TIAM1: variants seen among roughly 807,000 people sequenced by gnomAD.
TIAM1 encodes rho guanine nucleotide exchange factor TIAM1.
A neutral mutation model predicts 163.5 loss-of-function variants in TIAM1; 65 were observed. That is an observed-to-expected ratio of 0.40 (90% confidence interval 0.33 to 0.49). TIAM1 has a LOEUF of 0.49. Ranked by LOEUF, TIAM1 falls within the 20% of genes least tolerant of loss-of-function variation. TIAM1 has a pLI of 0.77. For synonymous variants in TIAM1, 833 were observed against 810.1 expected (o/e 1.03, Z -0.48); for missense variants, 1,789 against 2,044.7 (o/e 0.87, Z 2.41).
intron 2 of TIAM1, among the ~76,000 whole-genome samples, chr21:31,396,900 G>A (rs1157526404): frequency 6.6e-6 from 1 of 152,056 alleles, no homozygotes; most frequent in Non-Finnish European, 1.5e-5. Flanking sequence ...AGTGAACCGA[G>A]ATCGCGCCAC....
At chr21:31,471,630 G>A (rs1481624679) in intron 1 of TIAM1, among the ~76,000 whole-genome samples, 3 of 152,080 alleles carry the variant, frequency 2.0e-5, no homozygotes, top group Non-Finnish European at 4.4e-5. Context: ...AGCACTTTGG[G>A]AGGCTGAGAC....
intron 2 of TIAM1, among the ~76,000 whole-genome samples, chr21:31,277,287 C>T (rs1376682356): frequency 6.6e-6 from 1 of 152,336 alleles, no homozygotes; most frequent in South Asian, 2.1e-4. Context: ...GCTACACTCC[C>T]ACCAGCACCA....
intron 2 of TIAM1, among the ~76,000 whole-genome samples, chr21:31,380,157 G>A (rs1374406907): frequency 2.0e-5 from 3 of 152,026 alleles, no homozygotes; most frequent in Admixed American, 6.6e-5. Flanking sequence ...TCAGCTACTC[G>A]GGAGGCTGGG....
intron 2 of TIAM1, among the ~76,000 whole-genome samples, chr21:31,297,556 G>A (rs1053889381): frequency 9.2e-5 from 14 of 152,262 alleles, no homozygotes; most frequent in African/African-American, 2.9e-4. Context: ...CACAACGCAC[G>A]GCTAATTTTT....
chr21:31,265,899 C>T (rs570072009), intron 4 of TIAM1, 111 bp downstream of exon 4: 2 of 1,440,962 alleles, frequency 1.4e-6, no homozygotes, highest in East Asian at 4.6e-5. Context: ...AACTACCAGG[C>T]AAACAGGGTA....
intron 27 of TIAM1, chr21:31,123,866 C>A (rs1482987935): frequency 6.6e-6 from 1 of 152,170 alleles, no homozygotes; most frequent in Non-Finnish European, 1.5e-5. Flanking sequence ...CTCTATTGCT[C>A]CACTGTAATG....
intron 2 of TIAM1, among the ~76,000 whole-genome samples, chr21:31,382,632 G>A (rs1216168423): frequency 6.6e-6 from 1 of 152,144 alleles, no homozygotes; most frequent in Non-Finnish European, 1.5e-5. Context: ...CTGAATGAGA[G>A]GATTGAAGTA....
At chr21:31,236,110 T>C (rs947545026) in intron 6 of TIAM1, among the ~76,000 whole-genome samples, 3 of 152,196 alleles carry the variant, frequency 2.0e-5, no homozygotes, top group East Asian at 1.9e-4. Context: ...CTATTCAGTG[T>C]CAAAAAGATG....
chr21:31,379,402 G>T (rs1343114506), intron 2 of TIAM1, among the ~76,000 whole-genome samples: 2 of 151,996 alleles, frequency 1.3e-5, no homozygotes, highest in Non-Finnish European at 2.9e-5. Flanking sequence ...TAACATCAAT[G>T]AATAATTTCT....
chr21:31,311,169 TTTG>T (rs1179166372), intron 2 of TIAM1, among the ~76,000 whole-genome samples: 1 of 100,230 alleles, frequency 1.0e-5, no homozygotes, highest in African/African-American at 4.9e-5. Context: ...GTTTGTTTGT[TTTG>T]TTTTTTTTTT....
intron 2 of TIAM1, among the ~76,000 whole-genome samples, chr21:31,354,462 C>T (rs763372656): frequency 4.6e-5 from 7 of 152,086 alleles, no homozygotes; most frequent in Non-Finnish European, 1.0e-4. Flanking sequence ...ACCAAGGACC[C>T]CCCCTCCACA....
intron 2 of TIAM1, among the ~76,000 whole-genome samples, chr21:31,419,877 C>A (rs1799630773): frequency 6.6e-6 from 1 of 152,070 alleles, no homozygotes; most frequent in South Asian, 2.1e-4. Flanking sequence ...ATGGTGAAAC[C>A]CCGTCTCTAC....
chr21:31,388,212 AACACACACACACACACACAC>A (rs11369323), intron 2 of TIAM1, among the ~76,000 whole-genome samples: 1 of 115,840 alleles, frequency 8.6e-6, no homozygotes, highest in African/African-American at 3.4e-5. Flanking sequence ...AGAAGACCCT[AACACACACACACACACACAC>A]ACACACACAC....
chr21:31,523,754 T>C lies in TIAM1; in HGVS notation c.-422+35173A>G, dbSNP rs537171692. Reference sequence around the variant, plus strand: ...GCCTGGCCAACAAGGTGAAACCCCATCTCTACTAAAAATACAAAAATTAGC... The same window carrying C: ...GCCTGGCCAACAAGGTGAAACCCCACCTCTACTAAAAATACAAAAATTAGC... On this transcript the variant is annotated intron_variant, in intron 1 of 28. Coordinates refer to the TIAM1 transcript ENST00000286827. Among the ~76,000 whole-genome samples the C allele has an allele frequency of 1.2e-3, 177 of 152,012 alleles. 2 individuals carry two copies. The highest frequency in any genetic ancestry group is 4.0e-3 in the African/African-American group (167 of 41,452).
At chr21:31,429,038 C>T (rs1199538623) in intron 2 of TIAM1, among the ~76,000 whole-genome samples, 2 of 151,118 alleles carry the variant, frequency 1.3e-5, no homozygotes, top group African/African-American at 2.5e-5. Flanking sequence ...CTCACTCTGT[C>T]CCCCAGGCTG....
At chr21:31,387,195 C>CTTTTTTTTTTTTT (rs60592178) in intron 2 of TIAM1, among the ~76,000 whole-genome samples, 1 of 75,160 alleles carries the variant, frequency 1.3e-5, no homozygotes. Context: ...AGCTTATTCT[C>CTTTTTTTTTTTTT]TTTTTTTTTT....
At chr21:31,121,125 C>T (rs977917791) in intron 27 of TIAM1, among the ~76,000 whole-genome samples, 1 of 152,106 alleles carries the variant, frequency 6.6e-6, no homozygotes, top group Admixed American at 6.5e-5. Flanking sequence ...TCAACTCCCT[C>T]TGAAATAATC....
intron 6 of TIAM1, 111 bp downstream of exon 6, chr21:31,245,377 A>G: frequency 1.7e-6 from 1 of 591,600 alleles, no homozygotes; most frequent in Non-Finnish European, 2.3e-6. Context: ...ACCACTAAAA[A>G]AAAAAAAAAA....
At chr21:31,308,518 C>A (rs1222653789) in intron 2 of TIAM1, among the ~76,000 whole-genome samples, 1 of 151,480 alleles carries the variant, frequency 6.6e-6, no homozygotes, top group Non-Finnish European at 1.5e-5. Context: ...ATAATTTAAT[C>A]TACATTTACT....
Sources: gnomAD v4.1 joint callset for allele counts (sites outside exome capture counted in the v4.1 genomes callset) on GRCh38, gnomAD v4.1.1 for gene constraint, MANE v1.5 for transcripts, NCBI Gene and HGNC (gene_info 2026-07-23, HGNC 2026-07-21) for gene names.